Variants in CNTN4 observed in about 807,000 individuals in gnomAD.
CNTN4 encodes the protein contactin-4.
Under a neutral mutation model 122.5 loss-of-function variants are expected in CNTN4, and 77 were observed. The observed-to-expected ratio is 0.63, with a 90% confidence interval of 0.52 to 0.76. The LOEUF is 0.76. Ranked by LOEUF, CNTN4 falls within the 30% of genes least tolerant of loss-of-function variation. The pLI, the probability that CNTN4 is intolerant of heterozygous loss-of-function variation, is 0.00. For synonymous variants in CNTN4, 512 were observed against 447.0 expected, an observed-to-expected ratio of 1.15 and a Z score of -1.83; for missense variants, 1,256 against 1,259.1, an observed-to-expected ratio of 1.00 and a Z score of 0.04.
At chr3:2,502,473 C>T (rs1377108135) in intron 3 of CNTN4, among the ~76,000 whole-genome samples, 3 of 152,162 alleles carry the variant, frequency 2.0e-5, no homozygotes, top group Non-Finnish European at 4.4e-5. Context: ...GCACCTCCTA[C>T]AGTTGTGTAG....
intron 4 of CNTN4, among the ~76,000 whole-genome samples, chr3:2,684,672 T>C (rs1237946844): frequency 6.6e-6 from 1 of 152,238 alleles, no homozygotes; most frequent in Non-Finnish European, 1.5e-5. Context: ...ATAAACGTTT[T>C]TTCTCTTCAC....
chr3:2,215,133 A>G (rs1382674269), intron 2 of CNTN4, among the ~76,000 whole-genome samples: 2 of 152,214 alleles, frequency 1.3e-5, no homozygotes, highest in Non-Finnish European at 2.9e-5. Context: ...TGTATTAAAT[A>G]TTCCAAAGTG....
chr3:2,365,733 A>G (rs2045352472), intron 3 of CNTN4, among the ~76,000 whole-genome samples: 4 of 152,148 alleles, frequency 2.6e-5, no homozygotes, highest in Non-Finnish European at 4.4e-5. Flanking sequence ...ATAAAAAAAT[A>G]TATATATACC....
At chr3:2,528,343 A>G (rs2077476716) in intron 3 of CNTN4, among the ~76,000 whole-genome samples, 1 of 152,144 alleles carries the variant, frequency 6.6e-6, no homozygotes, top group African/African-American at 2.4e-5. Context: ...GTATTATCTC[A>G]TATGTGGAGA....
intron 5 of CNTN4, among the ~76,000 whole-genome samples, chr3:2,737,549 C>T (rs2089207702): frequency 1.3e-5 from 2 of 152,184 alleles, no homozygotes; most frequent in South Asian, 4.1e-4. Flanking sequence ...ATATATTTAA[C>T]TTAATAAACA....
intron 6 of CNTN4, among the ~76,000 whole-genome samples, chr3:2,795,082 C>T (rs2092128833): frequency 6.6e-6 from 1 of 152,130 alleles, no homozygotes; most frequent in Non-Finnish European, 1.5e-5. Flanking sequence ...AAGAAGGTTC[C>T]TGTGTAATAT....
At chr3:2,670,109 T>C (rs991953974) in intron 4 of CNTN4, among the ~76,000 whole-genome samples, 1 of 152,202 alleles carries the variant, frequency 6.6e-6, no homozygotes, top group Non-Finnish European at 1.5e-5. Context: ...CTATTAGGTC[T>C]GCTTGGTGCA....
At chr3:2,615,737 T>A (rs909646190) in intron 4 of CNTN4, among the ~76,000 whole-genome samples, 3 of 152,134 alleles carry the variant, frequency 2.0e-5, no homozygotes, top group African/African-American at 7.2e-5. Context: ...AATTTTAAAG[T>A]TTGGACAAAT....
intron 4 of CNTN4, among the ~76,000 whole-genome samples, chr3:2,636,839 T>C (rs1032766266): frequency 6.6e-6 from 1 of 152,028 alleles, no homozygotes; most frequent in Non-Finnish European, 1.5e-5. Flanking sequence ...CAATACCCTT[T>C]CATATACATC....
chr3:2,718,278 T>C (rs2087625651), intron 4 of CNTN4, among the ~76,000 whole-genome samples: 1 of 152,178 alleles, frequency 6.6e-6, no homozygotes, highest in Admixed American at 6.5e-5. Context: ...GTTGATAGCA[T>C]ACTGATTTCT....
chr3:2,574,730 G>C (rs1200062531), intron 4 of CNTN4, among the ~76,000 whole-genome samples: 2 of 152,104 alleles, frequency 1.3e-5, no homozygotes, highest in Non-Finnish European at 2.9e-5. Flanking sequence ...AGAAGTAAAA[G>C]TGTACAGTGC....
chr3:2,863,031 A>T (rs2093686328), intron 7 of CNTN4, among the ~76,000 whole-genome samples: 1 of 152,112 alleles, frequency 6.6e-6, no homozygotes, highest in South Asian at 2.1e-4. Flanking sequence ...CCCTTTCTAG[A>T]CCTCAGAATT....
intron 8 of CNTN4, among the ~76,000 whole-genome samples, chr3:2,868,889 C>G (rs976539162): frequency 6.6e-6 from 1 of 152,034 alleles, no homozygotes; most frequent in African/African-American, 2.4e-5. Flanking sequence ...CATGGAAAGC[C>G]TTTCTAAGGA....
At chr3:2,740,564 A>T (rs1011061982) in intron 5 of CNTN4, among the ~76,000 whole-genome samples, 2 of 152,226 alleles carry the variant, frequency 1.3e-5, no homozygotes, top group African/African-American at 4.8e-5. Context: ...AAGTAATAAT[A>T]TCACTTTTAA....
At chr3:2,370,761 T>A (rs1050590128) in intron 3 of CNTN4, among the ~76,000 whole-genome samples, 1 of 152,192 alleles carries the variant, frequency 6.6e-6, no homozygotes, top group African/African-American at 2.4e-5. Flanking sequence ...AAAAATGATA[T>A]AATTTTAGAG....
intron 14 of CNTN4, among the ~76,000 whole-genome samples, chr3:3,022,519 A>C (rs531225909): frequency 3.9e-5 from 6 of 152,208 alleles, no homozygotes; most frequent in Non-Finnish European, 8.8e-5. Flanking sequence ...TCTTTCCACC[A>C]GCAGTGAAAG....
At chr3:2,867,436 A>G (rs1186973783) in intron 8 of CNTN4, among the ~76,000 whole-genome samples, 1 of 152,228 alleles carries the variant, frequency 6.6e-6, no homozygotes, top group Non-Finnish European at 1.5e-5. Flanking sequence ...CCACACTATT[A>G]GAATATTTCA....
At chr3:2,467,090 G>T (rs115745640) in intron 3 of CNTN4, among the ~76,000 whole-genome samples, 97 of 145,648 alleles carry the variant, frequency 6.7e-4, no homozygotes, top group African/African-American at 2.3e-3. Context: ...TTCCAGTATC[G>T]CTAATACATA....
In CNTN4 at chr3:2,559,548, C is replaced by G. The variant is rs553601043; in HGVS notation, c.-88-11868C>G. On this transcript the variant is annotated intron_variant, in intron 3 of 24. Coordinates refer to ENST00000418658, the MANE Select transcript of CNTN4 (RefSeq NM_175607.3). ...TCTGTCCAAAACCTTTGTATTGTAA[C>G]TGACCCATAGTAAGTACTCAAGAAA... Among the ~76,000 whole-genome samples, 253 of 151,868 alleles carry G rather than the reference C, an allele frequency of 1.7e-3. 2 individuals are homozygous for G. Among genetic ancestry groups the G allele is most frequent in the Non-Finnish European group, 3.1e-4 (21 of 67,992 alleles).
Sources: gnomAD v4.1 joint callset for allele counts (sites outside exome capture counted in the v4.1 genomes callset) on GRCh38, gnomAD v4.1.1 for gene constraint, MANE v1.5 for transcripts, NCBI Gene and HGNC (gene_info 2026-07-23, HGNC 2026-07-21) for gene names.